Variants in APPBP2 observed in about 807,000 individuals in gnomAD.
APPBP2 encodes amyloid protein-binding protein 2.
APPBP2 carries 15 observed loss-of-function variants against 76.0 expected under a neutral mutation model. That is an observed-to-expected ratio of 0.20 (90% CI 0.13 to 0.30). The LOEUF (loss-of-function observed/expected upper bound fraction) is 0.30, where lower values mean the gene tolerates loss of function less well. Among genes scored for constraint, APPBP2 ranks in the 10% least tolerant of loss-of-function variants. The probability of loss-of-function intolerance (pLI) is 1.00; values close to 1 mark genes in which losing one functional copy is unlikely to be tolerated. For synonymous variants in APPBP2, 222 were observed against 242.2 expected (o/e 0.92, Z 0.77); for missense variants, 401 against 687.2 (o/e 0.58, Z 4.66).
intron 1 of APPBP2, among the ~76,000 whole-genome samples, chr17:60,504,646 A>G (rs2090852025): frequency 1.3e-5 from 2 of 152,174 alleles, no homozygotes; most frequent in African/African-American, 4.8e-5. Context: ...AACCCTGACT[A>G]TACCAAAAAT....
At chr17:60,457,137 A>G (rs896844063) in intron 9 of APPBP2, among the ~76,000 whole-genome samples, 1 of 152,080 alleles carries the variant, frequency 6.6e-6, no homozygotes, top group Non-Finnish European at 1.5e-5. Flanking sequence ...TCAAAAAAAA[A>G]AAAAAAAATT....
chr17:60,497,449 T>C (rs191909907), intron 2 of APPBP2, among the ~76,000 whole-genome samples: 19 of 152,270 alleles, frequency 1.2e-4, no homozygotes, highest in Admixed American at 4.6e-4. Flanking sequence ...AACAGGATTA[T>C]AGTAAAAAAT....
intron 1 of APPBP2, among the ~76,000 whole-genome samples, chr17:60,517,927 G>C (rs942782481): frequency 6.6e-6 from 1 of 152,018 alleles, no homozygotes; most frequent in Non-Finnish European, 1.5e-5. Context: ...CTGTAAACTG[G>C]TTTTTGGGAC....
At chr17:60,501,084 G>GA (rs1403359208) in intron 1 of APPBP2, among the ~76,000 whole-genome samples, 2 of 152,164 alleles carry the variant, frequency 1.3e-5, no homozygotes, top group Non-Finnish European at 2.9e-5. Context: ...GGAGGCAAAG[G>GA]AGGGAGTATT....
chr17:60,488,612 T>C (rs1213720673), intron 3 of APPBP2, among the ~76,000 whole-genome samples: 2 of 152,150 alleles, frequency 1.3e-5, no homozygotes, highest in East Asian at 1.9e-4. Flanking sequence ...GGTATGACTT[T>C]TTCCTCTTGG....
intron 9 of APPBP2, among the ~76,000 whole-genome samples, chr17:60,459,296 T>C (rs1023436252): frequency 1.3e-5 from 2 of 152,048 alleles, no homozygotes; most frequent in East Asian, 1.9e-4. Context: ...ACCCCCAAAG[T>C]GCTTTTTAAT....
rs192687301 is a variant in APPBP2, at chr17:60,500,214, G to A, written c.227+185C>T. Among the ~76,000 whole-genome samples the A allele has an allele frequency of 6.4e-4, 98 of 152,082 alleles. 1 individual carries two copies. The highest frequency in any genetic ancestry group is 2.1e-3 in the African/African-American group (89 of 41,490). ...TTTAGTAGAGACAGGGTTTCATCACGTTAGCCAGGAAGGTCTCGATCTGAC... is the reference window on the plus strand; with the variant it reads ...TTTAGTAGAGACAGGGTTTCATCACATTAGCCAGGAAGGTCTCGATCTGAC... On this transcript the variant is annotated intron_variant, in intron 2 of 12. Coordinates refer to ENST00000083182, the MANE Select transcript of APPBP2 (RefSeq NM_006380.5).
At chr17:60,449,302 A>G (rs879418431) in intron 12 of APPBP2, among the ~76,000 whole-genome samples, 2 of 151,864 alleles carry the variant, frequency 1.3e-5, no homozygotes, top group Non-Finnish European at 2.9e-5. Flanking sequence ...GGAAAAAAAG[A>G]GTCTTTTGGC....
rs534783111 is a variant in APPBP2, at chr17:60,507,501, C to G, written c.139-7014G>C. Among the ~76,000 whole-genome samples, 36 of 152,262 alleles carry G rather than the reference C, an allele frequency of 2.4e-4. No homozygotes were observed. The South Asian group carries it at 7.5e-3, about 32-fold the overall frequency. Reference sequence around the variant, plus strand: ...CCTCCCAAAGTGCTGGGATTACAGGCATGAGCCACAATGCCTGGCCCCCTT... The same window carrying G: ...CCTCCCAAAGTGCTGGGATTACAGGGATGAGCCACAATGCCTGGCCCCCTT... On this transcript the variant is annotated intron_variant, in intron 1 of 12. Transcript: ENST00000083182.
intron 2 of APPBP2, among the ~76,000 whole-genome samples, chr17:60,497,184 G>A (rs1415295519): frequency 6.6e-6 from 1 of 152,188 alleles, no homozygotes; most frequent in Non-Finnish European, 1.5e-5. Flanking sequence ...AAAAAAGAAT[G>A]AGATCCTGTC....
At chr17:60,449,637 G>A (rs960777843) in intron 12 of APPBP2, among the ~76,000 whole-genome samples, 1 of 151,780 alleles carries the variant, frequency 6.6e-6, no homozygotes, top group African/African-American at 2.4e-5. Flanking sequence ...TGAAGAAATG[G>A]TCTTGGCTTA....
chr17:60,466,482 C>T (rs754385674), intron 4 of APPBP2, 23 bp from the exon 5 acceptor site: 21 of 1,603,350 alleles, frequency 1.3e-5, no homozygotes, highest in Non-Finnish European at 1.7e-5. Flanking sequence ...AATAACATTG[C>T]TCTATTTTTG....
intron 1 of APPBP2, among the ~76,000 whole-genome samples, chr17:60,515,138 CAG>C (rs1264969299): frequency 1.0e-4 from 12 of 119,310 alleles, no homozygotes; most frequent in Non-Finnish European, 2.0e-4. Flanking sequence ...TTTTTTGAGA[CAG>C]AGTCTCACCC....
chr17:60,522,770 C>A (rs901009466), intron 1 of APPBP2, among the ~76,000 whole-genome samples: 1 of 151,890 alleles, frequency 6.6e-6, no homozygotes, highest in Non-Finnish European at 1.5e-5. Flanking sequence ...GACTTTGCTC[C>A]GTAACTTATT....
rs911606076 is a variant in APPBP2, at chr17:60,446,081, A to G, written c.*1500T>C. ...GCATGTTAAAAGAAAACTAAAATTC[A>G]ACACACATCCATTCACCCACAGACT... On this transcript the variant is annotated 3_prime_UTR_variant, in exon 13 of 13. Transcript: ENST00000083182. 28 of 152,220 alleles carry G rather than the reference A, an allele frequency of 1.8e-4. No individual in the cohort carries two copies. Among genetic ancestry groups the G allele is most frequent in the Admixed American group, 6.5e-5 (1 of 15,274 alleles). The allele number at this position is 152,220 out of a possible 1,614,324, so 9.4% of individuals were successfully genotyped here. A position where few individuals can be genotyped will look rare whatever the true frequency, so the allele number is the denominator to read the frequency against.
intron 1 of APPBP2, among the ~76,000 whole-genome samples, chr17:60,507,680 C>T (rs959334018): frequency 6.6e-6 from 1 of 152,186 alleles, no homozygotes; most frequent in South Asian, 2.1e-4. Flanking sequence ...ATATTACATC[C>T]TTATTTACTG....
At chr17:60,461,764 C>A (rs2090477429) in intron 8 of APPBP2, 46 bp downstream of exon 8, 3 of 1,400,580 alleles carry the variant, frequency 2.1e-6, no homozygotes, top group East Asian at 2.3e-5. Context: ...TACAGGTCAG[C>A]AAGTCAATAC....
intron 2 of APPBP2, 68 bp downstream of exon 2, chr17:60,500,331 A>T: frequency 9.0e-7 from 1 of 1,113,306 alleles, no homozygotes; most frequent in South Asian, 1.4e-5. Flanking sequence ...ACTTAATGCC[A>T]CTCAATTCGG....
chr17:60,507,223 TTTC>T (rs1227384446), intron 1 of APPBP2, among the ~76,000 whole-genome samples: 3 of 131,568 alleles, frequency 2.3e-5, no homozygotes, highest in Non-Finnish European at 1.5e-5. Flanking sequence ...ATTTTTCTTT[TTTC>T]TTTTTTTTTT....
Sources: gnomAD v4.1 joint callset for allele counts (sites outside exome capture counted in the v4.1 genomes callset) on GRCh38, gnomAD v4.1.1 for gene constraint, MANE v1.5 for transcripts, NCBI Gene and HGNC (gene_info 2026-07-23, HGNC 2026-07-21) for gene names.